Variants in FAM222B observed in about 807,000 individuals in gnomAD.
The protein encoded by FAM222B is family with sequence similarity 222 member B, also known as protein FAM222B.
In FAM222B, 12 loss-of-function variants were observed where a neutral mutation model predicts 38.0. That is an observed-to-expected ratio of 0.32 (90% CI 0.20 to 0.51). FAM222B has a LOEUF of 0.51. FAM222B is among the 20% of genes least tolerant of loss of function. The probability of loss-of-function intolerance (pLI) is 0.97; values close to 1 mark genes in which losing one functional copy is unlikely to be tolerated. For missense variants in FAM222B, 716 were observed against 754.2 expected (o/e 0.95, Z 0.59); for synonymous variants, 329 against 317.2 (o/e 1.04, Z -0.40).
chr17:28,780,697 CAT>C (rs2036130058), intron 1 of FAM222B, among the ~76,000 whole-genome samples: 1 of 151,990 alleles, frequency 6.6e-6, no homozygotes, highest in South Asian at 2.1e-4. Flanking sequence ...GCCTAGCTAA[CAT>C]AGAGAAACCC....
In FAM222B at chr17:28,767,347, G is replaced by A. The variant is rs1442306364; in HGVS notation, c.-40-640C>T. 3.9e-5 allele frequency among the ~76,000 whole-genome samples: 6 copies of A among 152,046 alleles called. No individual in the cohort carries two copies. The East Asian group carries it at 7.7e-4, about 20-fold the overall frequency. On this transcript the variant is annotated intron_variant, in intron 1 of 2. Coordinates refer to ENST00000581407, the MANE Select transcript of FAM222B (RefSeq NM_001077498.3). ...ATTTCTTTGTATTTTTAGTAGAGACGGGGTTTCACCATGTTGGCCAGGCTG... is the reference window on the plus strand; with the variant it reads ...ATTTCTTTGTATTTTTAGTAGAGACAGGGTTTCACCATGTTGGCCAGGCTG...
intron 1 of FAM222B, among the ~76,000 whole-genome samples, chr17:28,774,459 T>C (rs1054207675): frequency 2.6e-5 from 4 of 152,174 alleles, no homozygotes; most frequent in African/African-American, 7.2e-5. Context: ...AGGGGGACTA[T>C]GGTATCACAG....
intron 1 of FAM222B, among the ~76,000 whole-genome samples, chr17:28,831,046 A>G (rs1598039984): frequency 7.3e-6 from 1 of 137,316 alleles, no homozygotes; most frequent in South Asian, 2.2e-4. Context: ...CCTTGGCTGG[A>G]ATGTAGTGGA....
At chr17:28,851,526 A>G (rs764492775) in intron 1 of FAM222B, among the ~76,000 whole-genome samples, 5 of 151,220 alleles carry the variant, frequency 3.3e-5, no homozygotes, top group African/African-American at 7.3e-5. Flanking sequence ...TCAAACGAAC[A>G]AACAAACAAA....
At chr17:28,768,263 T>G (rs1003710800) in intron 1 of FAM222B, among the ~76,000 whole-genome samples, 1 of 152,168 alleles carries the variant, frequency 6.6e-6, no homozygotes, top group Non-Finnish European at 1.5e-5. Context: ...AAAATCTCCT[T>G]ATTTTCTTGA....
intron 1 of FAM222B, among the ~76,000 whole-genome samples, chr17:28,806,334 T>C (rs2037496288): frequency 1.3e-5 from 2 of 152,180 alleles, no homozygotes; most frequent in Non-Finnish European, 2.9e-5. Context: ...TAGAGTCTTG[T>C]CCATATCTTG....
At chr17:28,760,400 C>T (rs2035014555) in intron 2 of FAM222B, among the ~76,000 whole-genome samples, 1 of 152,002 alleles carries the variant, frequency 6.6e-6, no homozygotes, top group Non-Finnish European at 1.5e-5. Context: ...CATGGCGAAA[C>T]CCCGTCTCTA....
At position 28,805,968 on chromosome 17, in the gene FAM222B, C is replaced by T. The variant is rs534904331; in HGVS notation, c.-41+36714G>A. ...ACCAGCCTGACCAACATGGAGAAAC[C>T]CCATCTCTACTAAAAATACAAAATT... On this transcript the variant is annotated intron_variant, in intron 1 of 2. Transcript: ENST00000581407. Among the ~76,000 whole-genome samples, 300 of 152,094 alleles carry T rather than the reference C, an allele frequency of 2.0e-3. 1 individual carries two copies. The highest frequency in any genetic ancestry group is 3.3e-3 in the Non-Finnish European group (227 of 68,010).
intron 1 of FAM222B, chr17:28,802,922 A>G (rs1485498537): frequency 6.6e-6 from 1 of 152,204 alleles, no homozygotes; most frequent in Admixed American, 6.5e-5. Flanking sequence ...AATGGATTTC[A>G]TTTCAGCCAA....
intron 1 of FAM222B, among the ~76,000 whole-genome samples, chr17:28,767,819 C>T (rs2035416370): frequency 6.6e-6 from 1 of 152,152 alleles, no homozygotes; most frequent in African/African-American, 2.4e-5. Flanking sequence ...CTAGGAGGCA[C>T]AATTAACCAC....
intron 1 of FAM222B, among the ~76,000 whole-genome samples, chr17:28,852,046 T>C (rs2039185539): frequency 6.6e-6 from 1 of 151,626 alleles, no homozygotes; most frequent in South Asian, 2.1e-4. Flanking sequence ...AGTGAGACTG[T>C]GGCTCAAAAA....
At chr17:28,816,116 TA>T (rs879343900) in intron 1 of FAM222B, among the ~76,000 whole-genome samples, 54 of 143,798 alleles carry the variant, frequency 3.8e-4, no homozygotes, top group Middle Eastern at 3.8e-3. Context: ...TCGCTACAAT[TA>T]AAAAAAAAAA....
At chr17:28,834,999 C>T (rs577528989) in intron 1 of FAM222B, among the ~76,000 whole-genome samples, 107 of 148,394 alleles carry the variant, frequency 7.2e-4, no homozygotes, top group African/African-American at 1.7e-3. Context: ...GGATTACAGG[C>T]GCCCACCACT....
At chr17:28,801,451 C>CA (rs766189732) in intron 1 of FAM222B, among the ~76,000 whole-genome samples, 5,971 of 89,638 alleles carry the variant, frequency 0.067, 495 homozygotes, top group African/African-American at 0.22. Context: ...GACTCCGTCT[C>CA]AAAAAAAAAA....
chr17:28,789,369 T>C (rs2036567105), intron 1 of FAM222B, among the ~76,000 whole-genome samples: 1 of 151,800 alleles, frequency 6.6e-6, no homozygotes, highest in Non-Finnish European at 1.5e-5. Flanking sequence ...AGCTAATTTT[T>C]TGTATTCTTA....
At chr17:28,794,038 G>T (rs942482276) in intron 1 of FAM222B, among the ~76,000 whole-genome samples, 1 of 151,400 alleles carries the variant, frequency 6.6e-6, no homozygotes, top group African/African-American at 2.4e-5. Context: ...CGTAAGCCAC[G>T]GCTCCCGGCT....
chr17:28,804,421 A>C (rs1597972191), intron 1 of FAM222B, among the ~76,000 whole-genome samples: 1 of 147,934 alleles, frequency 6.8e-6, no homozygotes, highest in Non-Finnish European at 1.5e-5. Context: ...CGCAACCTCC[A>C]CCTCTCGGGT....
chr17:28,847,913 C>CAAAAA (rs35199325), intron 1 of FAM222B, among the ~76,000 whole-genome samples: 1 of 99,462 alleles, frequency 1.0e-5, no homozygotes. Flanking sequence ...GACTCCGCCT[C>CAAAAA]AAAAAAAAAA....
chr17:28,758,244 T>TGTATGC lies in FAM222B; in HGVS notation c.*25_*26insGCATAC. 1.3e-6 allele frequency: 2 copies of TGTATGC among 1,521,748 alleles called. No individual in the cohort carries two copies. Among genetic ancestry groups the TGTATGC allele is most frequent in the Middle Eastern group, 1.8e-4 (1 of 5,608 alleles). 94.3% of individuals were successfully genotyped at this position (1,521,748 alleles called of 1,614,324 possible). ...ACCTAGGAGGGTGATGTATGATGTG[T>TGTATGC]TGCACGTGGAGGGCAGCAGGGCTAC... is the stretch of plus-strand genomic sequence containing the variant. On this transcript the variant is annotated 3_prime_UTR_variant, in exon 3 of 3. Coordinates refer to ENST00000581407, the MANE Select transcript of FAM222B (RefSeq NM_001077498.3).
Sources: gnomAD v4.1 joint callset for allele counts (sites outside exome capture counted in the v4.1 genomes callset) on GRCh38, gnomAD v4.1.1 for gene constraint, MANE v1.5 for transcripts, NCBI Gene and HGNC (gene_info 2026-07-23, HGNC 2026-07-21) for gene names.